Variants in UGT1A7 observed in about 807,000 individuals in gnomAD.
UGT1A7 encodes the protein UDP glucuronosyltransferase family 1 member A7.
A neutral mutation model predicts 45.6 loss-of-function variants in UGT1A7; 33 were observed. The observed-to-expected ratio is 0.72, with a 90% confidence interval of 0.55 to 0.97. The LOEUF is 0.97. Ranked by LOEUF, UGT1A7 falls within the 50% of genes least tolerant of loss-of-function variation. The pLI is 0.00. For missense variants in UGT1A7, 684 were observed against 666.2 expected (o/e 1.03, Z -0.29); for synonymous variants, 274 against 250.6 (o/e 1.09, Z -0.88).
chr2:233,752,703 T>C (rs538720487), intron 1 of UGT1A7, among the ~76,000 whole-genome samples: 5 of 152,298 alleles, frequency 3.3e-5, no homozygotes, highest in African/African-American at 7.2e-5. Context: ...TAGTGGGGTA[T>C]GATCTTGCCT....
In UGT1A7 at chr2:233,713,892, C is replaced by G. The variant is rs892601448; in HGVS notation, c.855+31100C>G. On this transcript the variant is annotated intron_variant, in intron 1 of 4. Transcript: ENST00000373426. ...TGGTGCCTTTATCCAATCAATGTTC[C>G]AGGCAAAACACTTTTTAAAAAATGT... 5.0e-6 allele frequency: 8 copies of G among 1,613,198 alleles called. No individual in the cohort carries two copies. In the African/African-American group the frequency reaches 1.1e-4, roughly 22 times the overall value.
At chr2:233,712,649 G>A (rs1221373992) in intron 1 of UGT1A7, among the ~76,000 whole-genome samples, 1 of 152,184 alleles carries the variant, frequency 6.6e-6, no homozygotes, top group Non-Finnish European at 1.5e-5. Flanking sequence ...CCTGATAAAC[G>A]TGGTTAAGAG....
chr2:233,682,150 T>C lies in UGT1A7; in HGVS notation c.213T>C (p.Asn71=). 1 of 1,614,172 alleles carries C rather than the reference T, an allele frequency of 6.2e-7. No individual in the cohort carries two copies. Among genetic ancestry groups the C allele is most frequent in the Non-Finnish European group, 8.5e-7 (1 of 1,180,014 alleles). The change falls in exon 1 of 5, where the codon AAT becomes AAC. Residue 71 remains asparagine, a synonymous_variant. Transcript: ENST00000373426. ...EVSWQLGRSL[N]CTVKTYSTSY... ...GTTGGCAACTGGGAAGATCACTGAATTGCACAGTGAAGACTTACTCAACCT... is the reference window on the plus strand; with the variant it reads ...GTTGGCAACTGGGAAGATCACTGAACTGCACAGTGAAGACTTACTCAACCT...
intron 1 of UGT1A7, among the ~76,000 whole-genome samples, chr2:233,694,919 C>T (rs993608682): frequency 2.0e-5 from 3 of 152,252 alleles, no homozygotes; most frequent in South Asian, 2.1e-4. Flanking sequence ...ATACAATGTG[C>T]GATGATCAAA....
intron 1 of UGT1A7, among the ~76,000 whole-genome samples, chr2:233,698,964 G>T (rs996769646): frequency 6.6e-6 from 1 of 152,212 alleles, no homozygotes; most frequent in Non-Finnish European, 1.5e-5. Flanking sequence ...GGCCCTTGGG[G>T]AAGCCCTTTG....
At chr2:233,719,630 G>A in intron 1 of UGT1A7, 1 of 1,614,064 alleles carries the variant, frequency 6.2e-7, no homozygotes, top group Non-Finnish European at 8.5e-7. Flanking sequence ...GGCCGATCAT[G>A]CCCAACATGG....
chr2:233,727,656 C>T (rs982873405), intron 1 of UGT1A7, among the ~76,000 whole-genome samples: 1 of 152,148 alleles, frequency 6.6e-6, no homozygotes, highest in Non-Finnish European at 1.5e-5. Context: ...CTTTCTAGTG[C>T]TCTATGTCCT....
intron 1 of UGT1A7, chr2:233,722,122 T>A (rs1395891774): frequency 5.5e-6 from 1 of 183,338 alleles, no homozygotes; most frequent in African/African-American, 2.3e-5. Context: ...ATCATCATCA[T>A]TAGTAGAGTT....
At chr2:233,684,467 G>A (rs1367938076) in intron 1 of UGT1A7, among the ~76,000 whole-genome samples, 3 of 152,098 alleles carry the variant, frequency 2.0e-5, no homozygotes, top group Non-Finnish European at 4.4e-5. Flanking sequence ...CCCATGCTGA[G>A]TTTGTTGTGG....
At chr2:233,743,731 G>C (rs373030535) in intron 1 of UGT1A7, 1 of 1,367,360 alleles carries the variant, frequency 7.3e-7, no homozygotes, top group East Asian at 4.5e-5. Flanking sequence ...CATAGATATC[G>C]CGTTTCTTGG....
chr2:233,718,206 A>G (rs2076639906), intron 1 of UGT1A7, among the ~76,000 whole-genome samples: 1 of 152,138 alleles, frequency 6.6e-6, no homozygotes, highest in Non-Finnish European at 1.5e-5. Context: ...GCTTTTTTTT[A>G]TATTGACAGC....
chr2:233,707,007 A>G (rs1281563628), intron 1 of UGT1A7, among the ~76,000 whole-genome samples: 1 of 152,176 alleles, frequency 6.6e-6, no homozygotes, highest in African/African-American at 2.4e-5. Context: ...ACAGGAACCT[A>G]GGATCCATGG....
At chr2:233,755,366 T>C in intron 1 of UGT1A7, 1 of 363,028 alleles carries the variant, frequency 2.8e-6, no homozygotes, top group East Asian at 7.5e-5. Context: ...CTGGGCCGCC[T>C]GGAGGGCCGC....
chr2:233,767,558 C>G (rs1283373150), intron 2 of UGT1A7, among the ~76,000 whole-genome samples: 3 of 152,208 alleles, frequency 2.0e-5, no homozygotes, highest in African/African-American at 7.2e-5. Context: ...TCTGCATCCA[C>G]TTGTTTCATT....
intron 1 of UGT1A7, chr2:233,691,336 A>G (rs2075038677): frequency 1.0e-6 from 1 of 985,408 alleles, no homozygotes; most frequent in Admixed American, 6.1e-5. Context: ...GACTGAGCTG[A>G]GTCTTCGCAT....
At chr2:233,761,289 C>G in intron 1 of UGT1A7, 1 of 1,541,658 alleles carries the variant, frequency 6.5e-7, no homozygotes, top group Non-Finnish European at 8.8e-7. Context: ...ATTTTTGACT[C>G]CTAGGTTTGA....
intron 1 of UGT1A7, among the ~76,000 whole-genome samples, chr2:233,752,890 C>G (rs537828663): frequency 5.9e-5 from 9 of 152,204 alleles, no homozygotes; most frequent in African/African-American, 1.7e-4. Flanking sequence ...AACTAGCCAG[C>G]GTTGTTACAG....
chr2:233,719,378 G>C, intron 1 of UGT1A7: 1 of 1,613,952 alleles, frequency 6.2e-7, no homozygotes, highest in Non-Finnish European at 8.5e-7. Flanking sequence ...AGGGCACACA[G>C]TGTCCAAATC....
intron 1 of UGT1A7, among the ~76,000 whole-genome samples, chr2:233,734,621 G>C (rs1231102351): frequency 6.6e-6 from 1 of 152,064 alleles, no homozygotes; most frequent in Non-Finnish European, 1.5e-5. Context: ...GTTGATTTTA[G>C]ATCTTTCCTG....
Sources: gnomAD v4.1 joint callset for allele counts (sites outside exome capture counted in the v4.1 genomes callset) on GRCh38, gnomAD v4.1.1 for gene constraint, MANE v1.5 for transcripts, NCBI Gene and HGNC (gene_info 2026-07-23, HGNC 2026-07-21) for gene names.